NTRK2: variants seen among roughly 807,000 people sequenced by gnomAD.
NTRK2 encodes the protein neurotrophic receptor tyrosine kinase 2, also known as BDNF/NT-3 growth factors receptor.
In NTRK2, 13 loss-of-function variants were observed where a neutral mutation model predicts 94.5. The observed-to-expected ratio is 0.14, with a 90% CI of 0.09 to 0.22. The LOEUF is 0.22. Ranked by LOEUF, NTRK2 falls within the 10% of genes least tolerant of loss-of-function variation. The pLI, the probability that NTRK2 is intolerant of heterozygous loss-of-function variation, is 1.00. For synonymous variants in NTRK2, 372 were observed against 407.4 expected, an observed-to-expected ratio of 0.91 and a Z score of 1.05; for missense variants, 639 against 1,071.2, an observed-to-expected ratio of 0.60 and a Z score of 5.63.
chr9:84,725,834 A>G (rs2062413020), intron 8 of NTRK2, among the ~76,000 whole-genome samples: 1 of 152,192 alleles, frequency 6.6e-6, no homozygotes, highest in African/African-American at 2.4e-5. Flanking sequence ...GCCCATTTAA[A>G]TTTAGTAATA....
chr9:84,998,528 G>A (rs751560317), intron 17 of NTRK2, among the ~76,000 whole-genome samples: 3 of 152,156 alleles, frequency 2.0e-5, no homozygotes, highest in Non-Finnish European at 2.9e-5. Flanking sequence ...GCTTTACAAC[G>A]ACTGTAAAAG....
Position 84,810,504 on chromosome 9 carries a change from T to C in NTRK2, c.1397-50536T>C, listed in dbSNP as rs180862403. The stretch of plus-strand genomic sequence containing the variant: ...ATGTTAATTTTCATTGATTTTTCTT[T>C]TGAGCATGACTTATGTTTTATTTTG... On this transcript the variant is annotated intron_variant, in intron 12 of 18. Transcript: ENST00000277120. 4.4e-6 allele frequency: 7 copies of C among 1,586,950 alleles called. No homozygotes were observed. The East Asian group carries it at 1.3e-4, about 31-fold the overall frequency.
At chr9:84,681,093 A>C (rs901448171) in intron 2 of NTRK2, among the ~76,000 whole-genome samples, 2 of 152,038 alleles carry the variant, frequency 1.3e-5, no homozygotes, top group African/African-American at 2.4e-5. Context: ...GGGCTACATC[A>C]CCCTCATCCA....
chr9:84,992,075 C>A (rs1366477661), intron 17 of NTRK2, among the ~76,000 whole-genome samples: 5 of 152,088 alleles, frequency 3.3e-5, no homozygotes, highest in Admixed American at 6.5e-5. Context: ...TAAAATCTAC[C>A]CTTCAAGGTC....
intron 12 of NTRK2, among the ~76,000 whole-genome samples, chr9:84,850,500 G>T (rs1369890330): frequency 6.6e-6 from 1 of 152,138 alleles, no homozygotes; most frequent in Non-Finnish European, 1.5e-5. Context: ...TAAAGATTTT[G>T]AATGTTATTG....
chr9:84,821,814 GTAGAGAGA>G (rs747447909), intron 12 of NTRK2, among the ~76,000 whole-genome samples: 1 of 66,812 alleles, frequency 1.5e-5, no homozygotes, highest in African/African-American at 5.7e-5. Context: ...AGGGAGAGAA[GTAGAGAGA>G]GAGAGAGAGA....
chr9:84,861,639 C>T (rs947290783), intron 13 of NTRK2, among the ~76,000 whole-genome samples: 21 of 152,120 alleles, frequency 1.4e-4, no homozygotes, highest in African/African-American at 4.8e-4. Context: ...TGTAGCTTAC[C>T]AAGTGAATGC....
intron 12 of NTRK2, among the ~76,000 whole-genome samples, chr9:84,835,965 G>A (rs573667272): frequency 1.3e-5 from 2 of 152,242 alleles, no homozygotes; most frequent in South Asian, 4.2e-4. Flanking sequence ...GAGTAAGACA[G>A]GATTTACTGG....
intron 14 of NTRK2, among the ~76,000 whole-genome samples, chr9:84,878,973 CT>C (rs1201163052): frequency 2.0e-5 from 3 of 152,222 alleles, no homozygotes; most frequent in East Asian, 1.9e-4. Context: ...ATGCAGTCCC[CT>C]GTCTCCCTTT....
rs780841349 is a variant in NTRK2, at chr9:84,724,216, A to C, written c.721-8A>C. 9 of 1,614,134 alleles carry C rather than the reference A, an allele frequency of 5.6e-6. No individual in the cohort carries two copies. The highest frequency in any genetic ancestry group is 7.6e-6 in the Non-Finnish European group (9 of 1,179,966). On this transcript the variant is annotated splice_region_variant and splice_polypyrimidine_tract_variant and intron_variant, in intron 7 of 18. Coordinates refer to ENST00000277120, the MANE Select transcript of NTRK2 (RefSeq NM_006180.6). ...CAAGGTTATTTTTGTCTGTTAATTC[A>C]TTTGTAGAATGAAACAAGCCACACA...
At chr9:84,848,926 A>G (rs1476861065) in intron 12 of NTRK2, among the ~76,000 whole-genome samples, 3 of 152,194 alleles carry the variant, frequency 2.0e-5, no homozygotes, top group Admixed American at 1.3e-4. Flanking sequence ...AGTTAGAGTG[A>G]CTTTTTATAA....
chr9:84,864,210 C>CA (rs1450267156), intron 13 of NTRK2, among the ~76,000 whole-genome samples: 1 of 152,118 alleles, frequency 6.6e-6, no homozygotes, highest in Non-Finnish European at 1.5e-5. Context: ...GAGAAGAAAG[C>CA]AACTGGGGTC....
intron 16 of NTRK2, among the ~76,000 whole-genome samples, chr9:84,952,360 A>T (rs916022182): frequency 6.6e-6 from 1 of 152,222 alleles, no homozygotes; most frequent in Admixed American, 6.5e-5. Context: ...GCTGTAACCC[A>T]CGCTGGAGAG....
At chr9:84,740,587 G>A (rs879757372) in intron 9 of NTRK2, among the ~76,000 whole-genome samples, 9 of 152,010 alleles carry the variant, frequency 5.9e-5, no homozygotes, top group South Asian at 2.1e-4. Flanking sequence ...GCAGAGGTGC[G>A]CAGGGTGTTC....
At chr9:84,988,970 A>G (rs1173438299) in intron 17 of NTRK2, among the ~76,000 whole-genome samples, 1 of 152,238 alleles carries the variant, frequency 6.6e-6, no homozygotes, top group Non-Finnish European at 1.5e-5. Flanking sequence ...TTTAAATCTG[A>G]TAGTTGGATC....
chr9:84,922,333 A>G (rs537374556), intron 14 of NTRK2, among the ~76,000 whole-genome samples: 2 of 152,356 alleles, frequency 1.3e-5, no homozygotes, highest in East Asian at 3.9e-4. Context: ...GAGAGTTCAA[A>G]GGGCACATCT....
chr9:84,737,729 A>G (rs2063353940), intron 9 of NTRK2, among the ~76,000 whole-genome samples: 1 of 147,784 alleles, frequency 6.8e-6, no homozygotes, highest in African/African-American at 2.7e-5. Flanking sequence ...TGGGGATGTG[A>G]CTGAACCTGT....
At chr9:84,788,189 G>A (rs1044772849) in intron 12 of NTRK2, among the ~76,000 whole-genome samples, 16 of 152,038 alleles carry the variant, frequency 1.1e-4, no homozygotes, top group African/African-American at 3.9e-4. Flanking sequence ...ATTGATCTTG[G>A]CGATCCAAAG....
At chr9:84,981,184 G>T (rs12378209) in intron 17 of NTRK2, among the ~76,000 whole-genome samples, 2,934 of 152,216 alleles carry the variant, frequency 0.019, 54 homozygotes, top group Middle Eastern at 0.044. Context: ...GGGTTCAAGC[G>T]ATTCTCCTGC....
Sources: gnomAD v4.1 joint callset for allele counts (sites outside exome capture counted in the v4.1 genomes callset) on GRCh38, gnomAD v4.1.1 for gene constraint, MANE v1.5 for transcripts, NCBI Gene and HGNC (gene_info 2026-07-23, HGNC 2026-07-21) for gene names.